DGKB: variants seen among roughly 807,000 people sequenced by gnomAD.
DGKB encodes diacylglycerol kinase beta.
Under a neutral mutation model 114.3 loss-of-function variants are expected in DGKB, and 67 were observed. The ratio of observed to expected loss-of-function variants is 0.59; its 90% confidence interval spans 0.48 to 0.72. The LOEUF (loss-of-function observed/expected upper bound fraction) is 0.72, where lower values mean the gene tolerates loss of function less well. DGKB is among the 30% of genes least tolerant of loss of function. DGKB has a pLI of 0.00. For missense variants in DGKB, 907 were observed against 975.2 expected, an observed-to-expected ratio of 0.93 and a Z score of 0.93; for synonymous variants, 398 against 323.1, an observed-to-expected ratio of 1.23 and a Z score of -2.49.
At chr7:14,680,708 A>C (rs1820675356) in intron 12 of DGKB, among the ~76,000 whole-genome samples, 1 of 152,054 alleles carries the variant, frequency 6.6e-6, no homozygotes, top group Non-Finnish European at 1.5e-5. Flanking sequence ...AGTGGTTCTC[A>C]TGACTGGAAA....
At chr7:14,785,433 A>G (rs1459481874) in intron 2 of DGKB, among the ~76,000 whole-genome samples, 1 of 152,114 alleles carries the variant, frequency 6.6e-6, no homozygotes, top group East Asian at 1.9e-4. Context: ...AATCATATGT[A>G]TACATGTATG....
chr7:14,542,344 C>T (rs773169483), intron 20 of DGKB, among the ~76,000 whole-genome samples: 46 of 152,002 alleles, frequency 3.0e-4, no homozygotes, highest in Non-Finnish European at 5.4e-4. Flanking sequence ...GGATCATCTC[C>T]TTCTCCTCTG....
chr7:14,835,221 T>C (rs1378841261), intron 2 of DGKB, among the ~76,000 whole-genome samples: 2 of 152,154 alleles, frequency 1.3e-5, no homozygotes, highest in Non-Finnish European at 2.9e-5. Context: ...ACATTTCTGG[T>C]AAGTCAAAAC....
rs1310543693 is a variant in DGKB at position 14,583,045 on chromosome 7, G to A, written c.1519+7C>T. Reference sequence around the variant, plus strand: ...CCCCAGCCATATTAAGTATGTGTCTGCATTACCTATGCAATCCAAAACCCA... The same window carrying A: ...CCCCAGCCATATTAAGTATGTGTCTACATTACCTATGCAATCCAAAACCCA... On this transcript the variant is annotated splice_region_variant and intron_variant, in intron 18 of 25. Coordinates refer to ENST00000402815, the MANE Select transcript of DGKB (RefSeq NM_001350709.2). 1 of 1,589,290 alleles carries A rather than the reference G, an allele frequency of 6.3e-7. No homozygotes were observed. The highest frequency in any genetic ancestry group is 8.6e-7 in the Non-Finnish European group (1 of 1,157,786).
intron 20 of DGKB, among the ~76,000 whole-genome samples, chr7:14,547,816 AC>A (rs1794527890): frequency 6.7e-6 from 1 of 148,870 alleles, no homozygotes; most frequent in African/African-American, 2.4e-5. Flanking sequence ...AAATTAAATG[AC>A]TGAAAGAAAA....
chr7:14,641,233 CAATAT>C, intron 13 of DGKB, among the ~76,000 whole-genome samples: 2 of 24,398 alleles, frequency 8.2e-5, no homozygotes, highest in Non-Finnish European at 1.2e-4. Flanking sequence ...TTACTTTTTA[CAATAT>C]AGGGATTTGG....
intron 23 of DGKB, 130 bp from the exon 24 acceptor site, chr7:14,178,281 A>T: frequency 1.1e-6 from 1 of 944,284 alleles, no homozygotes; most frequent in South Asian, 1.7e-5. Context: ...TAGAAACTTA[A>T]AGTAATAAAA....
chr7:14,202,120 G>T (rs1785986817), intron 23 of DGKB, among the ~76,000 whole-genome samples: 1 of 151,906 alleles, frequency 6.6e-6, no homozygotes, highest in South Asian at 2.1e-4. Flanking sequence ...TGTGATAATT[G>T]CTTCTTATAT....
At chr7:14,406,456 A>G (rs547707924) in intron 21 of DGKB, among the ~76,000 whole-genome samples, 3 of 152,184 alleles carry the variant, frequency 2.0e-5, no homozygotes, top group African/African-American at 7.2e-5. Context: ...GATATAAAGA[A>G]ATGAAGATAT....
Position 14,758,928 on chromosome 7 carries a change from G to GATAGATACATAGATAC in DGKB, c.71-1198_71-1197insGTATCTATGTATCTAT, listed in dbSNP as rs1554262149. Among the ~76,000 whole-genome samples the GATAGATACATAGATAC allele has an allele frequency of 3.4e-3, 496 of 146,948 alleles. 4 individuals carry two copies. Among genetic ancestry groups the GATAGATACATAGATAC allele is most frequent in the Admixed American group, 0.018 (262 of 14,650 alleles). ...AGATAGATAGATAGATAGATAGATA[G>GATAGATACATAGATAC]ATAGATACATAGATAGATAGAGTTT... On this transcript the variant is annotated intron_variant, in intron 2 of 25. Transcript: ENST00000402815.
chr7:14,412,940 C>T (rs1243146371), intron 21 of DGKB, among the ~76,000 whole-genome samples: 1 of 151,060 alleles, frequency 6.6e-6, no homozygotes, highest in African/African-American at 2.4e-5. Context: ...GAGATCATGC[C>T]ATTGCACTGC....
At chr7:14,688,396 T>C (rs1370596624) in intron 9 of DGKB, among the ~76,000 whole-genome samples, 1 of 152,156 alleles carries the variant, frequency 6.6e-6, no homozygotes, top group Non-Finnish European at 1.5e-5. Context: ...CCACTTCCCT[T>C]TTCCAGGCCG....
intron 2 of DGKB, among the ~76,000 whole-genome samples, chr7:14,805,008 C>T (rs1004808359): frequency 6.6e-6 from 1 of 151,734 alleles, no homozygotes; most frequent in African/African-American, 2.4e-5. Flanking sequence ...GATTTTCATT[C>T]AATTGGTTTT....
intron 25 of DGKB, among the ~76,000 whole-genome samples, chr7:14,151,500 A>C (rs1158208364): frequency 6.6e-6 from 1 of 151,982 alleles, no homozygotes; most frequent in Non-Finnish European, 1.5e-5. Context: ...TATGCCTTTG[A>C]AAAAATAGCA....
intron 1 of DGKB, among the ~76,000 whole-genome samples, chr7:14,962,631 T>G (rs902631917): frequency 2.2e-5 from 3 of 139,358 alleles, no homozygotes; most frequent in African/African-American, 8.5e-5. Flanking sequence ...TGTGTGTGTG[T>G]GTGTTTGTGT....
At chr7:14,793,995 T>C (rs558117312) in intron 2 of DGKB, among the ~76,000 whole-genome samples, 1 of 152,166 alleles carries the variant, frequency 6.6e-6, no homozygotes, top group Non-Finnish European at 1.5e-5. Context: ...AGCCCTCAGA[T>C]AGGAATTCAC....
At chr7:14,936,862 T>C (rs1187596909) in intron 1 of DGKB, among the ~76,000 whole-genome samples, 1 of 152,118 alleles carries the variant, frequency 6.6e-6, no homozygotes, top group Non-Finnish European at 1.5e-5. Flanking sequence ...ACTTAAATCA[T>C]TGCAGTGGTG....
intron 19 of DGKB, among the ~76,000 whole-genome samples, chr7:14,577,405 CAGG>C (rs1166583819): frequency 6.6e-6 from 1 of 152,092 alleles, no homozygotes; most frequent in African/African-American, 2.4e-5. Context: ...ATCACGAGGT[CAGG>C]AGATCAAGAC....
chr7:14,753,704 C>A (rs1221526472), intron 4 of DGKB, among the ~76,000 whole-genome samples: 1 of 152,028 alleles, frequency 6.6e-6, no homozygotes, highest in Non-Finnish European at 1.5e-5. Flanking sequence ...CCCTTTTTGT[C>A]TATTAAGGTA....
Sources: allele counts gnomAD v4.1 joint callset (sites outside exome capture counted in the v4.1 genomes callset), GRCh38; gene constraint gnomAD v4.1.1; transcripts MANE v1.5; gene names NCBI Gene and HGNC (gene_info 2026-07-23, HGNC 2026-07-21).